Variants in CCAR1 observed in about 807,000 individuals in gnomAD.
The protein encoded by CCAR1 is cell division cycle and apoptosis regulator protein 1.
In CCAR1, 78 loss-of-function variants were observed where a neutral mutation model predicts 163.8. The ratio of observed to expected loss-of-function variants is 0.48; its 90% confidence interval spans 0.40 to 0.57. The LOEUF is 0.57. CCAR1 is among the 20% of genes least tolerant of loss of function. The probability of loss-of-function intolerance (pLI) is 0.00; values close to 1 mark genes in which losing one functional copy is unlikely to be tolerated. For synonymous variants in CCAR1, 443 were observed against 460.7 expected (o/e 0.96, Z 0.49); for missense variants, 1,019 against 1,365.2 (o/e 0.75, Z 4.00).
At chr10:68,739,298 T>C (rs1019553483) in intron 4 of CCAR1, among the ~76,000 whole-genome samples, 10 of 152,274 alleles carry the variant, frequency 6.6e-5, no homozygotes, top group Admixed American at 6.5e-4. Context: ...TACAGGTGCA[T>C]GCCACTAGGC....
At chr10:68,768,248 A>G (rs1000844446) in intron 17 of CCAR1, among the ~76,000 whole-genome samples, 2 of 152,080 alleles carry the variant, frequency 1.3e-5, no homozygotes, top group East Asian at 1.9e-4. Flanking sequence ...TTTTTTTCCA[A>G]TGTTAATTAT....
chr10:68,770,835 T>G (rs1443830838), intron 17 of CCAR1, among the ~76,000 whole-genome samples: 1 of 152,196 alleles, frequency 6.6e-6, no homozygotes. Context: ...CCCAGCACTT[T>G]GGGAGGCCGA....
intron 10 of CCAR1, among the ~76,000 whole-genome samples, chr10:68,750,207 CTT>C (rs869136324): frequency 1.7e-5 from 2 of 116,558 alleles, no homozygotes; most frequent in African/African-American, 6.1e-5. Flanking sequence ...TTTCTTTTTT[CTT>C]TTTTCTTTTT....
At position 68,761,400 on chromosome 10, in the gene CCAR1, A is replaced by G. The variant is rs533111727; in HGVS notation, c.2106+208A>G. ...CAGCTCACTGCAACCTCCGCATCCC[A>G]GGTTCAAGCTATTCTCCTGCCTCAG... On this transcript the variant is annotated intron_variant, in intron 16 of 24. Coordinates refer to ENST00000265872, the MANE Select transcript of CCAR1 (RefSeq NM_018237.4). 2.0e-3 allele frequency among the ~76,000 whole-genome samples: 304 copies of G among 152,158 alleles called. 1 individual carries two copies. Among genetic ancestry groups the G allele is most frequent in the Admixed American group, 2.7e-3 (41 of 15,258 alleles).
chr10:68,783,552 G>A (rs1373152969), intron 19 of CCAR1, among the ~76,000 whole-genome samples: 2 of 152,186 alleles, frequency 1.3e-5, no homozygotes, highest in African/African-American at 2.4e-5. Context: ...AGGAAGGCAC[G>A]AGGTCAGGAG....
intron 11 of CCAR1, 98 bp downstream of exon 11, chr10:68,754,175 G>A (rs1339903269): frequency 2.6e-6 from 2 of 778,784 alleles, no homozygotes; most frequent in Non-Finnish European, 2.0e-6. Context: ...TTGTTAGGTA[G>A]ACCCGAATAC....
At position 68,747,248 on chromosome 10, in the gene CCAR1, A is replaced by G. The variant is rs1315154466; in HGVS notation, c.606A>G (p.Ala202=). Residue 202 remains alanine (A), a synonymous_variant, in exon 7 of 25, where the codon GCA becomes GCG. Coordinates refer to ENST00000265872, the MANE Select transcript of CCAR1 (RefSeq NM_018237.4). The stretch of plus-strand genomic sequence containing the variant: ...CTAATATGCCTTTTAAATGGAATGC[A>G]CAGAGAATTCAAACACTACCAAATC... ...YNPNMPFKWN[A]QRIQTLPNQN... 1 of 1,609,920 alleles carries G rather than the reference A, an allele frequency of 6.2e-7. No homozygotes were observed. The highest frequency in any genetic ancestry group is 2.2e-5 in the East Asian group (1 of 44,854).
chr10:68,774,926 A>G, intron 19 of CCAR1: 2 of 383,152 alleles, frequency 5.2e-6, no homozygotes, highest in Non-Finnish European at 9.8e-6. Context: ...AAATTATAAG[A>G]GTTCTTTTTG....
At chr10:68,747,711 A>T in intron 8 of CCAR1, 145 bp downstream of exon 8, 1 of 603,256 alleles carries the variant, frequency 1.7e-6, no homozygotes, top group Non-Finnish European at 2.8e-6. Flanking sequence ...TTCCATAGCT[A>T]TGTGGAAGTA....
At chr10:68,757,783 T>G (rs961762710) in intron 15 of CCAR1, among the ~76,000 whole-genome samples, 1 of 151,912 alleles carries the variant, frequency 6.6e-6, no homozygotes, top group African/African-American at 2.4e-5. Flanking sequence ...ATCTGTTGAA[T>G]GCCTATAATA....
intron 19 of CCAR1, among the ~76,000 whole-genome samples, chr10:68,777,392 C>G (rs992169199): frequency 6.6e-6 from 1 of 152,034 alleles, no homozygotes; most frequent in Admixed American, 6.6e-5. Flanking sequence ...GAAGAAGCCA[C>G]TGTTCAGGCT....
chr10:68,786,456 C>G (rs755186389), intron 20 of CCAR1, 90 bp from the exon 21 acceptor site: 67 of 878,678 alleles, frequency 7.6e-5, no homozygotes, highest in Middle Eastern at 7.3e-4. Flanking sequence ...TAGATTATTG[C>G]TATCTTATGC....
chr10:68,786,033 C>G (rs2056791532), intron 19 of CCAR1, 103 bp from the exon 20 acceptor site: 1 of 731,530 alleles, frequency 1.4e-6, no homozygotes, highest in Non-Finnish European at 2.4e-6. Context: ...CCCTCGAACG[C>G]CTGGCCCTCC....
Position 68,788,017 on chromosome 10 carries a change from G to A in CCAR1, c.2971G>A (p.Glu991Lys), listed in dbSNP as rs1425161940. The part of the protein sequence containing the change: ...DTSKDEENHE[E>K]SESLQEDMLG... ...CTCAAAAGATGAAGAGAACCATGAA[G>A]AGTCTGAGTCATTGCAGGAAGATAT... The change falls in exon 22 of 25, where the codon GAG becomes AAG. Residue 991 changes from glutamate (E) to lysine (K), a missense_variant. Transcript: ENST00000265872. 1.9e-6 allele frequency: 3 copies of A among 1,609,666 alleles called. No homozygotes were observed. The highest frequency in any genetic ancestry group is 2.2e-5 in the South Asian group (2 of 89,782).
chr10:68,789,345 A>T (rs968446517), intron 23 of CCAR1, among the ~76,000 whole-genome samples: 6 of 151,668 alleles, frequency 4.0e-5, no homozygotes, highest in Non-Finnish European at 7.4e-5. Flanking sequence ...TAATCCCAGC[A>T]CTTTGGGAGG....
intron 15 of CCAR1, chr10:68,759,313 G>A (rs770856243): frequency 6.6e-6 from 1 of 152,578 alleles, no homozygotes; most frequent in African/African-American, 2.4e-5. Context: ...TACTTGGGAA[G>A]CTGAGGTGGG....
chr10:68,722,652 T>A, intron 2 of CCAR1, 75 bp downstream of exon 2: 1 of 1,174,034 alleles, frequency 8.5e-7, no homozygotes, highest in Non-Finnish European at 1.3e-6. Context: ...GGGCCGGGGG[T>A]GGTGGCTCAC....
At chr10:68,775,244 G>T (rs142369802) in intron 19 of CCAR1, among the ~76,000 whole-genome samples, 1 of 152,052 alleles carries the variant, frequency 6.6e-6, no homozygotes, top group African/African-American at 2.4e-5. Flanking sequence ...AAATAAGGTC[G>T]TAATAGCATC....
At chr10:68,782,976 A>C (rs1294451898) in intron 19 of CCAR1, among the ~76,000 whole-genome samples, 1 of 148,816 alleles carries the variant, frequency 6.7e-6, no homozygotes, top group Non-Finnish European at 1.5e-5. Flanking sequence ...CAGCCCTTGG[A>C]TCAGAGAGTA....
Sources: gnomAD v4.1 joint callset for allele counts (sites outside exome capture counted in the v4.1 genomes callset) on GRCh38, gnomAD v4.1.1 for gene constraint, MANE v1.5 for transcripts, NCBI Gene and HGNC (gene_info 2026-07-23, HGNC 2026-07-21) for gene names.